The following MTA3 variants were observed in gnomAD, a reference collection of about 807,000 sequenced individuals.
MTA3 encodes metastasis-associated protein MTA3.
In MTA3, 34 loss-of-function variants were observed where a neutral mutation model predicts 83.5. That is an observed-to-expected ratio of 0.41 (90% CI 0.31 to 0.54). The LOEUF (loss-of-function observed/expected upper bound fraction) is 0.54. Among genes scored for constraint, MTA3 ranks in the 20% least tolerant of loss-of-function variants. MTA3 has a pLI of 0.33. For missense variants in MTA3, 761 were observed against 726.4 expected, an observed-to-expected ratio of 1.05 and a Z score of -0.55; for synonymous variants, 303 against 252.7, an observed-to-expected ratio of 1.20 and a Z score of -1.89.
At chr2:42,502,368 C>T (rs1283464332) in intron 2 of MTA3, among the ~76,000 whole-genome samples, 1 of 152,118 alleles carries the variant, frequency 6.6e-6, no homozygotes, top group Admixed American at 6.6e-5. Flanking sequence ...GGTCTGTGTG[C>T]CAGTGGATGT....
chr2:42,553,897 AC>A (rs1287883216), intron 2 of MTA3, among the ~76,000 whole-genome samples: 15 of 122,700 alleles, frequency 1.2e-4, no homozygotes, highest in East Asian at 4.9e-4. Flanking sequence ...AGAAAAAAAA[AC>A]GAAAGAAAGA....
chr2:42,584,964 C>T (rs1265606461), intron 3 of MTA3, among the ~76,000 whole-genome samples: 2 of 151,738 alleles, frequency 1.3e-5, no homozygotes, highest in African/African-American at 2.4e-5. Flanking sequence ...CAGAGTCTCG[C>T]TCTGTCACCT....
chr2:42,732,782 G>GATAT (rs1309816940), intron 16 of MTA3, among the ~76,000 whole-genome samples: 1 of 152,172 alleles, frequency 6.6e-6, no homozygotes, highest in Non-Finnish European at 1.5e-5. Flanking sequence ...TTTTCTGCCA[G>GATAT]ATATGCTAAA....
At chr2:42,530,882 T>G (rs1246609099) in intron 2 of MTA3, among the ~76,000 whole-genome samples, 2 of 152,042 alleles carry the variant, frequency 1.3e-5, no homozygotes, top group East Asian at 1.9e-4. Flanking sequence ...CAGGCTAGAG[T>G]GCAATGGCGC....
rs1278286466 is a variant in MTA3, at chr2:42,568,695, C to T, written c.-51C>T. 4 of 1,107,284 alleles carry T rather than the reference C, an allele frequency of 3.6e-6. No homozygotes were observed. The highest frequency in any genetic ancestry group is 4.7e-5 in the Admixed American group (1 of 21,442). 68.6% of individuals were successfully genotyped at this position (1,107,284 alleles called of 1,614,324 possible). A position where few individuals can be genotyped will look rare whatever the true frequency, so the allele number is the denominator to read the frequency against. On this transcript the variant is annotated 5_prime_UTR_variant, in exon 1 of 17. Coordinates refer to ENST00000405094, the MANE Select transcript of MTA3 (RefSeq NM_001330442.2). ...GTCGCGGCTGAGGCTGAGGAGGAGGCGGCGGCGGCGGGCGGGGCTCGGCTC... is the reference window on the plus strand; with the variant it reads ...GTCGCGGCTGAGGCTGAGGAGGAGGTGGCGGCGGCGGGCGGGGCTCGGCTC...
intron 9 of MTA3, among the ~76,000 whole-genome samples, chr2:42,689,520 T>C (rs994303696): frequency 5.9e-5 from 9 of 152,186 alleles, no homozygotes; most frequent in Non-Finnish European, 1.2e-4. Flanking sequence ...CATCTCTTTT[T>C]GGAAGGTTTT....
At chr2:42,576,610 C>A (rs557211243) in intron 2 of MTA3, among the ~76,000 whole-genome samples, 6 of 151,526 alleles carry the variant, frequency 4.0e-5, no homozygotes, top group African/African-American at 1.2e-4. Flanking sequence ...CTGAAAAAAA[C>A]CAAAACAAGG....
intron 2 of MTA3, among the ~76,000 whole-genome samples, chr2:42,558,928 C>T (rs1361276540): frequency 6.6e-6 from 1 of 152,010 alleles, no homozygotes; most frequent in Non-Finnish European, 1.5e-5. Context: ...GGAGCTCAGC[C>T]TTGTCTCAGT....
chr2:42,554,063 G>A (rs1281245164), intron 2 of MTA3, among the ~76,000 whole-genome samples: 2 of 151,784 alleles, frequency 1.3e-5, no homozygotes, highest in Non-Finnish European at 2.9e-5. Context: ...GAGAAACTCC[G>A]TCTCTACCAA....
chr2:42,530,353 G>T (rs1242081556), intron 2 of MTA3, among the ~76,000 whole-genome samples: 3 of 152,122 alleles, frequency 2.0e-5, no homozygotes. Context: ...CAGGCTTGGT[G>T]GCGGGCGCAT....
intron 4 of MTA3, among the ~76,000 whole-genome samples, chr2:42,638,585 T>G (rs1342269994): frequency 6.6e-6 from 1 of 152,046 alleles, no homozygotes; most frequent in Non-Finnish European, 1.5e-5. Context: ...TAGCCTGGTC[T>G]CAAACTCCTG....
intron 13 of MTA3, among the ~76,000 whole-genome samples, chr2:42,708,627 A>C (rs1188441939): frequency 1.3e-5 from 2 of 152,154 alleles, no homozygotes; most frequent in African/African-American, 4.8e-5. Flanking sequence ...CATACCACTT[A>C]CTGTGAATGT....
intron 16 of MTA3, among the ~76,000 whole-genome samples, chr2:42,737,615 A>T (rs1668706853): frequency 6.6e-6 from 1 of 152,126 alleles, no homozygotes; most frequent in Non-Finnish European, 1.5e-5. Flanking sequence ...GAAGGCTTCT[A>T]TTTGATCATC....
chr2:42,601,869 T>G (rs1487643318), intron 3 of MTA3, among the ~76,000 whole-genome samples: 35 of 152,216 alleles, frequency 2.3e-4, no homozygotes, highest in Non-Finnish European at 1.5e-5. Context: ...CCATGGAGTC[T>G]TGCTCTGTTG....
At chr2:42,522,349 C>T (rs974226902) in intron 2 of MTA3, among the ~76,000 whole-genome samples, 4 of 152,136 alleles carry the variant, frequency 2.6e-5, no homozygotes, top group Non-Finnish European at 5.9e-5. Context: ...AGGGTAGGGG[C>T]AGGTGAACTG....
chr2:42,586,410 C>T (rs1680285620), intron 3 of MTA3, among the ~76,000 whole-genome samples: 1 of 143,804 alleles, frequency 7.0e-6, no homozygotes, highest in African/African-American at 2.6e-5. Flanking sequence ...CACAGCGAGA[C>T]CTCATATCTA....
At chr2:42,571,386 CAA>C (rs34003791) in intron 2 of MTA3, among the ~76,000 whole-genome samples, 907 of 63,840 alleles carry the variant, frequency 0.014, 5 homozygotes, top group African/African-American at 0.042. Context: ...AACACTGTCT[CAA>C]AAAAAAAAAA....
In MTA3 at chr2:42,755,525, G is replaced by C; in HGVS notation, c.*2126G>C. On this transcript the variant is annotated 3_prime_UTR_variant, in exon 17 of 17. Transcript: ENST00000405094. ...GCTTTTCCTTCCTCTTGTAAGTAAA[G>C]CTCGTGGTTCTGTAGTCCAGTCATC... 2 of 985,444 alleles carry C rather than the reference G, an allele frequency of 2.0e-6. No individual in the cohort carries two copies. The highest frequency in any genetic ancestry group is 2.4e-6 in the Non-Finnish European group (2 of 829,928). The allele number at this position is 985,444 out of a possible 1,614,324, so 61.0% of individuals were successfully genotyped here. A position where few individuals can be genotyped will look rare whatever the true frequency, so the allele number is the denominator to read the frequency against.
intron 13 of MTA3, among the ~76,000 whole-genome samples, chr2:42,708,404 A>G (rs1409483368): frequency 6.6e-6 from 1 of 152,176 alleles, no homozygotes; most frequent in Non-Finnish European, 1.5e-5. Context: ...CAAATTAAGC[A>G]TTTTTTCTCC....
Sources: allele counts gnomAD v4.1 joint callset (sites outside exome capture counted in the v4.1 genomes callset), GRCh38; gene constraint gnomAD v4.1.1; transcripts MANE v1.5; gene names NCBI Gene and HGNC (gene_info 2026-07-23, HGNC 2026-07-21).